The following MDGA2 variants were observed in gnomAD, a reference collection of about 807,000 sequenced individuals.
MDGA2 encodes the protein MAM domain-containing glycosylphosphatidylinositol anchor protein 2.
A neutral mutation model predicts 117.8 loss-of-function variants in MDGA2; 40 were observed. The ratio of observed to expected loss-of-function variants is 0.34; its 90% CI spans 0.26 to 0.44. The LOEUF (loss-of-function observed/expected upper bound fraction) is 0.44, where lower values mean the gene tolerates loss of function less well. Ranked by LOEUF, MDGA2 falls within the 20% of genes least tolerant of loss-of-function variation. The probability of loss-of-function intolerance (pLI) is 1.00; values close to 1 mark genes in which losing one functional copy is unlikely to be tolerated. For synonymous variants in MDGA2, 452 were observed against 439.0 expected, an observed-to-expected ratio of 1.03 and a Z score of -0.37; for missense variants, 1,123 against 1,250.6, an observed-to-expected ratio of 0.90 and a Z score of 1.54.
intron 11 of MDGA2, among the ~76,000 whole-genome samples, chr14:46,880,947 A>C (rs1207387106): frequency 1.3e-5 from 2 of 151,706 alleles, no homozygotes; most frequent in Non-Finnish European, 2.9e-5. Context: ...TTCTCCAAAT[A>C]GGACATTTAA....
rs866439574 is a variant in MDGA2, at chr14:47,675,095, C to T, written c.-299G>A. 6.3e-6 allele frequency: 1 copy of T among 159,998 alleles called. No homozygotes were observed. The highest frequency in any genetic ancestry group is 1.4e-5 in the Non-Finnish European group (1 of 73,128). The allele number at this position is 159,998 out of a possible 1,614,324, so 9.9% of individuals were successfully genotyped here. A position where few individuals can be genotyped will look rare whatever the true frequency, so the allele number is the denominator to read the frequency against. Reference sequence around the variant, plus strand: ...GGACAGCCGAGGAGCAGGAAGTGGCCTCTGACCCAGGACACCGAGCAGGGC... The same window carrying T: ...GGACAGCCGAGGAGCAGGAAGTGGCTTCTGACCCAGGACACCGAGCAGGGC... On this transcript the variant is annotated 5_prime_UTR_variant, in exon 1 of 17. Coordinates refer to ENST00000399232, the MANE Select transcript of MDGA2 (RefSeq NM_001113498.3).
chr14:46,851,827 T>C (rs1359003181), intron 15 of MDGA2, among the ~76,000 whole-genome samples: 1 of 151,792 alleles, frequency 6.6e-6, no homozygotes, highest in Non-Finnish European at 1.5e-5. Context: ...TCATTGTTGT[T>C]ATCAGGAGTT....
chr14:47,260,508 A>G (rs8010450), intron 2 of MDGA2, among the ~76,000 whole-genome samples: 38,030 of 152,014 alleles, frequency 0.25, 4,911 homozygotes, highest in South Asian at 0.34. Context: ...AAGGCTTTCT[A>G]TAATGTACCT....
At chr14:47,627,794 C>G (rs1897176203) in intron 1 of MDGA2, among the ~76,000 whole-genome samples, 1 of 152,122 alleles carries the variant, frequency 6.6e-6, no homozygotes, top group Non-Finnish European at 1.5e-5. Flanking sequence ...TGCTGCTGCT[C>G]ACTCTTTGGG....
intron 2 of MDGA2, among the ~76,000 whole-genome samples, chr14:47,263,505 G>T (rs1887867709): frequency 6.6e-6 from 1 of 152,090 alleles, no homozygotes; most frequent in African/African-American, 2.4e-5. Flanking sequence ...GTTTTTTAGT[G>T]TTTCAGTGGA....
intron 6 of MDGA2, among the ~76,000 whole-genome samples, chr14:47,072,409 T>A (rs1043596976): frequency 6.6e-6 from 1 of 152,208 alleles, no homozygotes; most frequent in Non-Finnish European, 1.5e-5. Flanking sequence ...GTCAGTCTAA[T>A]GTTAAGACAC....
chr14:47,162,212 C>T lies in MDGA2; in HGVS notation c.596-17938G>A, dbSNP rs138664377. On this transcript the variant is annotated intron_variant, in intron 3 of 16. Transcript: ENST00000399232. ...TGCATGCCTCGGCCTCCCAAAGTGC[C>T]GGGATTACAGGCATAAGCCACCGAG... is the stretch of plus-strand genomic sequence containing the variant. Among the ~76,000 whole-genome samples the T allele has an allele frequency of 4.6e-3, 701 of 151,896 alleles. 5 individuals carry two copies. The highest frequency in any genetic ancestry group is 0.016 in the African/African-American group (673 of 41,454).
intron 1 of MDGA2, among the ~76,000 whole-genome samples, chr14:47,393,490 T>A (rs554888001): frequency 1.2e-4 from 18 of 152,180 alleles, no homozygotes; most frequent in Non-Finnish European, 2.4e-4. Flanking sequence ...TAACAGCTTT[T>A]TCTTTTAAAT....
chr14:47,099,839 G>A (rs10150139), intron 5 of MDGA2, among the ~76,000 whole-genome samples: 79,060 of 151,776 alleles, frequency 0.52, 20,986 homozygotes, highest in African/African-American at 0.64. Flanking sequence ...TGCGTAATCT[G>A]AAGTCCTTTT....
At chr14:47,612,774 A>T (rs1398773273) in intron 1 of MDGA2, among the ~76,000 whole-genome samples, 1 of 152,206 alleles carries the variant, frequency 6.6e-6, no homozygotes. Context: ...AATTAAGTGT[A>T]CTTTATACAT....
At chr14:46,995,074 T>C (rs191908197) in intron 8 of MDGA2, among the ~76,000 whole-genome samples, 2 of 152,272 alleles carry the variant, frequency 1.3e-5, no homozygotes, top group East Asian at 3.9e-4. Context: ...TAAAATTTAA[T>C]GAGTAAAATA....
At chr14:46,901,115 C>G (rs1182412088) in intron 10 of MDGA2, among the ~76,000 whole-genome samples, 1 of 143,442 alleles carries the variant, frequency 7.0e-6, no homozygotes, top group East Asian at 2.1e-4. Context: ...CACATGAATA[C>G]TTACACACAA....
intron 7 of MDGA2, among the ~76,000 whole-genome samples, chr14:47,054,023 T>C (rs144931043): frequency 6.6e-6 from 1 of 152,104 alleles, no homozygotes; most frequent in African/African-American, 2.4e-5. Flanking sequence ...CTGATATCAA[T>C]CAGGCTTTTT....
chr14:47,472,860 G>C (rs143310108), intron 1 of MDGA2, among the ~76,000 whole-genome samples: 8 of 152,184 alleles, frequency 5.3e-5, no homozygotes, highest in African/African-American at 1.9e-4. Context: ...ATGACTTAAT[G>C]AGTTTATACA....
intron 3 of MDGA2, among the ~76,000 whole-genome samples, chr14:47,194,338 A>G (rs1233670810): frequency 2.6e-5 from 4 of 152,160 alleles, no homozygotes; most frequent in Non-Finnish European, 5.9e-5. Context: ...ACTATTTTCA[A>G]AGTAGCTTCA....
chr14:47,059,302 T>C, intron 7 of MDGA2: 2 of 1,266,860 alleles, frequency 1.6e-6, no homozygotes, highest in Non-Finnish European at 1.0e-6. Context: ...ACCACATCTA[T>C]CTGTAGTTAA....
intron 1 of MDGA2, among the ~76,000 whole-genome samples, chr14:47,334,886 T>G (rs967380389): frequency 6.6e-6 from 1 of 151,930 alleles, no homozygotes; most frequent in Non-Finnish European, 1.5e-5. Flanking sequence ...CAATATCTGT[T>G]GAATTAGCAC....
intron 1 of MDGA2, among the ~76,000 whole-genome samples, chr14:47,430,452 C>T (rs1452275024): frequency 1.3e-5 from 2 of 151,954 alleles, no homozygotes; most frequent in Non-Finnish European, 2.9e-5. Context: ...CCACGATCTG[C>T]GTTTCTCATA....
At chr14:47,063,604 G>T (rs1280999047) in intron 6 of MDGA2, among the ~76,000 whole-genome samples, 1 of 151,970 alleles carries the variant, frequency 6.6e-6, no homozygotes, top group Non-Finnish European at 1.5e-5. Context: ...AAAAACAGAT[G>T]TAAAATTTAA....
Sources: allele counts gnomAD v4.1 joint callset (sites outside exome capture counted in the v4.1 genomes callset), GRCh38; gene constraint gnomAD v4.1.1; transcripts MANE v1.5; gene names NCBI Gene and HGNC (gene_info 2026-07-23, HGNC 2026-07-21).